Variants in CNTNAP5 observed in about 807,000 individuals in gnomAD.
CNTNAP5 encodes contactin associated protein family member 5, also known as contactin-associated protein-like 5.
In CNTNAP5, 72 loss-of-function variants were observed where a neutral mutation model predicts 150.2. That is an observed-to-expected ratio of 0.48 (90% confidence interval 0.40 to 0.58). The LOEUF is 0.58. CNTNAP5 is among the 20% of genes least tolerant of loss of function. The probability of loss-of-function intolerance (pLI) is 0.00; values close to 1 mark genes in which losing one functional copy is unlikely to be tolerated. For missense variants in CNTNAP5, 1,636 were observed against 1,626.2 expected (o/e 1.01, Z -0.10); for synonymous variants, 672 against 619.8 (o/e 1.08, Z -1.25).
intron 3 of CNTNAP5, among the ~76,000 whole-genome samples, chr2:124,290,455 C>A (rs552598091): frequency 2.0e-5 from 3 of 152,254 alleles, no homozygotes; most frequent in Non-Finnish European, 2.9e-5. Flanking sequence ...ACTGATGCAA[C>A]ATAAATTTTA....
intron 5 of CNTNAP5, 138 bp from the exon 6 acceptor site, chr2:124,446,615 A>G (rs61231472): frequency 0.23 from 177,158 of 773,320 alleles, 21,446 homozygotes; most frequent in East Asian, 0.31. Flanking sequence ...TCCCAGGTCC[A>G]GCACAGTTCC....
intron 8 of CNTNAP5, among the ~76,000 whole-genome samples, chr2:124,507,743 A>T (rs561362138): frequency 1.3e-5 from 2 of 152,298 alleles, no homozygotes; most frequent in African/African-American, 4.8e-5. Flanking sequence ...CAAGTCCCCC[A>T]CAAAAGACAG....
chr2:124,438,044 G>A (rs1198985162), intron 5 of CNTNAP5, among the ~76,000 whole-genome samples: 2 of 152,152 alleles, frequency 1.3e-5, no homozygotes, highest in Non-Finnish European at 2.9e-5. Flanking sequence ...CATACATAGT[G>A]TACTGTTGTT....
chr2:124,261,802 A>G (rs1444968624), intron 3 of CNTNAP5, among the ~76,000 whole-genome samples: 1 of 152,206 alleles, frequency 6.6e-6, no homozygotes, highest in African/African-American at 2.4e-5. Context: ...AAGAGAAGAA[A>G]ATGCTGTATT....
Position 124,302,011 on chromosome 2 carries a change from A to T in CNTNAP5, c.381+59618A>T, listed in dbSNP as rs145596397. Among the ~76,000 whole-genome samples, 84 of 152,324 alleles carry T rather than the reference A, an allele frequency of 5.5e-4. 2 individuals carry two copies. The highest frequency in any genetic ancestry group is 2.6e-3 in the Admixed American group (40 of 15,296). ...AATCCAATAGGACTGATGTCTTTGT[A>T]AGAAGAGGAAAAGACCCTAAGATGG... On this transcript the variant is annotated intron_variant, in intron 3 of 23. Coordinates refer to ENST00000682447, the MANE Select transcript of CNTNAP5 (RefSeq NM_001367498.1).
Position 124,279,231 on chromosome 2 carries a change from G to A in CNTNAP5, c.381+36838G>A, listed in dbSNP as rs1267389617. Among the ~76,000 whole-genome samples the A allele has an allele frequency of 4.0e-5, 6 of 151,140 alleles. 1 individual carries two copies. In the South Asian group the frequency reaches 1.2e-3, roughly 31 times the overall value. On this transcript the variant is annotated intron_variant, in intron 3 of 23. Transcript: ENST00000682447. ...TTAGTTAAAACTGTAGGAAGTGTGTGTGTGTGTGTGTGTGTGTCTGTGTGT... is the reference window on the plus strand; with the variant it reads ...TTAGTTAAAACTGTAGGAAGTGTGTATGTGTGTGTGTGTGTGTCTGTGTGT...
In CNTNAP5 at chr2:124,594,548, T is replaced by C. The variant is rs1450991762; in HGVS notation, c.1757-15253T>C. 4.7e-3 allele frequency among the ~76,000 whole-genome samples: 683 copies of C among 146,408 alleles called. 4 individuals are homozygous for C. The highest frequency in any genetic ancestry group is 0.016 in the African/African-American group (651 of 40,028). ...TGTTTTGGTTACTGTAGCCTTGTAG[T>C]ATAGTTTGAAGTCAGGTAGTGTGAT... On this transcript the variant is annotated intron_variant, in intron 11 of 23. Transcript: ENST00000682447.
intron 3 of CNTNAP5, among the ~76,000 whole-genome samples, chr2:124,408,441 A>G (rs1226881556): frequency 6.6e-6 from 1 of 152,224 alleles, no homozygotes; most frequent in African/African-American, 2.4e-5. Flanking sequence ...GGGCACAGAC[A>G]AACAAAAAGA....
chr2:124,414,145 A>C (rs1453602064), intron 3 of CNTNAP5, among the ~76,000 whole-genome samples: 10 of 129,354 alleles, frequency 7.7e-5, no homozygotes, highest in Admixed American at 3.2e-4. Flanking sequence ...TCTGATGAGT[A>C]GTTTGTTGTC....
chr2:124,072,967 A>C (rs532775859), intron 1 of CNTNAP5, among the ~76,000 whole-genome samples: 2 of 152,094 alleles, frequency 1.3e-5, no homozygotes, highest in Non-Finnish European at 2.9e-5. Flanking sequence ...ATACTACAGA[A>C]CTATAGTAAC....
chr2:124,359,151 TC>T (rs1411458365), intron 3 of CNTNAP5, among the ~76,000 whole-genome samples: 2 of 152,190 alleles, frequency 1.3e-5, no homozygotes, highest in African/African-American at 4.8e-5. Flanking sequence ...GGCGGTGATA[TC>T]CCCTTTATCA....
At chr2:124,128,710 A>C (rs1573775290) in intron 1 of CNTNAP5, among the ~76,000 whole-genome samples, 1 of 152,188 alleles carries the variant, frequency 6.6e-6, no homozygotes, top group African/African-American at 2.4e-5. Flanking sequence ...TCACGTATAC[A>C]CCATGGAATA....
intron 13 of CNTNAP5, among the ~76,000 whole-genome samples, chr2:124,724,460 G>A (rs746186470): frequency 1.1e-4 from 17 of 152,022 alleles, no homozygotes; most frequent in Admixed American, 2.6e-4. Flanking sequence ...GCACAAGTCA[G>A]CCCATAGAAG....
chr2:124,588,236 CTTCT>C (rs1388629637), intron 11 of CNTNAP5, among the ~76,000 whole-genome samples: 2 of 106,342 alleles, frequency 1.9e-5, no homozygotes, highest in African/African-American at 7.1e-5. Context: ...TTCTTTCTTT[CTTCT>C]TTCTTTATTT....
At position 124,306,719 on chromosome 2, in the gene CNTNAP5, C is replaced by CTTTTTTTTTTTTTTTTTTTTTTTTTT. The variant is rs762901729; in HGVS notation, c.381+64351_381+64352insTTTTTTTTTTTTTTTTTTTTTTTTTT. ...AAACTTGGTTTCTCTCTCTCTCTTTCTTTTTTTTTTTTTTTTTTTTTTTTT... is the reference window on the plus strand; with the variant it reads ...AAACTTGGTTTCTCTCTCTCTCTTTCTTTTTTTTTTTTTTTTTTTTTTTTTTTTTTTTTTTTTTTTTTTTTTTTTTT... On this transcript the variant is annotated intron_variant, in intron 3 of 23. Coordinates refer to ENST00000682447, the MANE Select transcript of CNTNAP5 (RefSeq NM_001367498.1). 3.1e-5 allele frequency among the ~76,000 whole-genome samples: 2 copies of CTTTTTTTTTTTTTTTTTTTTTTTTTT among 64,336 alleles called. 1 individual carries two copies. 42.2% of individuals were successfully genotyped at this position (64,336 alleles called of 152,430 possible). A position where few individuals can be genotyped will look rare whatever the true frequency, so the allele number is the denominator to read the frequency against.
intron 3 of CNTNAP5, among the ~76,000 whole-genome samples, chr2:124,264,411 C>T (rs993448304): frequency 3.3e-5 from 5 of 151,292 alleles, no homozygotes; most frequent in African/African-American, 1.2e-4. Flanking sequence ...CACACACACA[C>T]ACACACACAC....
At chr2:124,895,535 A>G (rs1352343014) in intron 21 of CNTNAP5, among the ~76,000 whole-genome samples, 2 of 151,638 alleles carry the variant, frequency 1.3e-5, no homozygotes, top group South Asian at 2.1e-4. Context: ...CTGAGGTGGA[A>G]GCATTCTTGA....
At position 124,160,961 on chromosome 2, in the gene CNTNAP5, G is replaced by T. The variant is rs182062529; in HGVS notation, c.83-60744G>T. On this transcript the variant is annotated intron_variant, in intron 1 of 23. Transcript: ENST00000682447. Reference sequence around the variant, plus strand: ...CTGCCAGTTTCACAAAGGCTTTGGGGTCATCTGCATAAACCATCTATAATG... The same window carrying T: ...CTGCCAGTTTCACAAAGGCTTTGGGTTCATCTGCATAAACCATCTATAATG... Among the ~76,000 whole-genome samples the T allele has an allele frequency of 2.3e-4, 35 of 152,118 alleles. No homozygotes were observed. In the East Asian group the frequency reaches 6.8e-3, roughly 30 times the overall value.
intron 11 of CNTNAP5, among the ~76,000 whole-genome samples, chr2:124,566,714 AT>A (rs1696032974): frequency 1.3e-5 from 2 of 152,134 alleles, no homozygotes; most frequent in East Asian, 1.9e-4. Context: ...CAATTCAAAT[AT>A]TTGTCCTCCC....
Sources: gnomAD v4.1 joint callset for allele counts (sites outside exome capture counted in the v4.1 genomes callset) on GRCh38, gnomAD v4.1.1 for gene constraint, MANE v1.5 for transcripts, NCBI Gene and HGNC (gene_info 2026-07-23, HGNC 2026-07-21) for gene names.